RABGAP1L: variants seen among roughly 807,000 people sequenced by gnomAD.
The protein encoded by RABGAP1L is rab GTPase-activating protein 1-like.
In RABGAP1L, 63 loss-of-function variants were observed where a neutral mutation model predicts 137.7. The ratio of observed to expected loss-of-function variants is 0.46; its 90% CI spans 0.37 to 0.56. The LOEUF is 0.56. Among genes scored for constraint, RABGAP1L ranks in the 20% least tolerant of loss-of-function variants. RABGAP1L has a pLI of 0.00. For missense variants in RABGAP1L, 1,095 were observed against 1,244.0 expected (o/e 0.88, Z 1.80); for synonymous variants, 431 against 433.7 (o/e 0.99, Z 0.08).
chr1:174,307,824 T>C (rs1044371895), intron 11 of RABGAP1L, among the ~76,000 whole-genome samples: 7 of 152,174 alleles, frequency 4.6e-5, no homozygotes, highest in African/African-American at 1.7e-4. Flanking sequence ...TTCCTTTGGA[T>C]ATATATGCAG....
chr1:174,702,868 GAAAT>G (rs1372688209), intron 17 of RABGAP1L, among the ~76,000 whole-genome samples: 1 of 151,820 alleles, frequency 6.6e-6, no homozygotes, highest in Non-Finnish European at 1.5e-5. Flanking sequence ...CTCTTTTAAA[GAAAT>G]AAACAGTATT....
At chr1:174,859,691 G>A (rs1649937971) in intron 19 of RABGAP1L, among the ~76,000 whole-genome samples, 1 of 151,950 alleles carries the variant, frequency 6.6e-6, no homozygotes, top group African/African-American at 2.4e-5. Context: ...GACTACCAGA[G>A]GGCAGAGGGT....
At chr1:174,552,619 C>A (rs1005600595) in intron 13 of RABGAP1L, among the ~76,000 whole-genome samples, 1 of 152,174 alleles carries the variant, frequency 6.6e-6, no homozygotes, top group African/African-American at 2.4e-5. Flanking sequence ...TTTATCCAGT[C>A]TATCACTGAT....
At chr1:174,226,581 G>T (rs1353341132) in intron 3 of RABGAP1L, among the ~76,000 whole-genome samples, 1 of 152,130 alleles carries the variant, frequency 6.6e-6, no homozygotes, top group East Asian at 1.9e-4. Flanking sequence ...CTGTTTTGAA[G>T]TTCTGCTATT....
chr1:174,769,491 C>T (rs1202384229), intron 18 of RABGAP1L, among the ~76,000 whole-genome samples: 1 of 152,158 alleles, frequency 6.6e-6, no homozygotes, highest in Non-Finnish European at 1.5e-5. Flanking sequence ...ACAATCACGT[C>T]CACACCATAG....
chr1:174,437,113 T>TG (rs973997360), intron 13 of RABGAP1L, among the ~76,000 whole-genome samples: 15 of 152,010 alleles, frequency 9.9e-5, no homozygotes, highest in African/African-American at 3.6e-4. Flanking sequence ...ACCACAAAGA[T>TG]GGGGAGAAAA....
rs183666943 is a variant in RABGAP1L, at chr1:174,526,520, T to C, written c.1711-110855T>C. Among the ~76,000 whole-genome samples the C allele has an allele frequency of 3.9e-5, 6 of 152,286 alleles. No individual in the cohort carries two copies. In the East Asian group the frequency reaches 1.2e-3, roughly 29 times the overall value. ...AATTATTGCTTCAAGTTCTCGTTACTGGTCTTTTCAGGTTTTCTGTTTCTT... is the reference window on the plus strand; with the variant it reads ...AATTATTGCTTCAAGTTCTCGTTACCGGTCTTTTCAGGTTTTCTGTTTCTT... On this transcript the variant is annotated intron_variant, in intron 13 of 25. Transcript: ENST00000681986.
At chr1:174,793,498 A>G (rs183787429) in intron 18 of RABGAP1L, among the ~76,000 whole-genome samples, 21 of 152,332 alleles carry the variant, frequency 1.4e-4, no homozygotes, top group Non-Finnish European at 2.9e-4. Flanking sequence ...TATCTTCTAT[A>G]TTGTACTCTA....
intron 18 of RABGAP1L, among the ~76,000 whole-genome samples, chr1:174,759,185 C>T (rs1473739250): frequency 6.7e-6 from 1 of 149,748 alleles, no homozygotes; most frequent in Admixed American, 6.7e-5. Flanking sequence ...ACTTGCATTC[C>T]AATGAGAGAA....
Position 174,957,502 on chromosome 1 carries a change from A to G in RABGAP1L, c.2386A>G (p.Met796Val), listed in dbSNP as rs891639173. 6.2e-7 allele frequency: 1 copy of G among 1,613,754 alleles called. No individual in the cohort carries two copies. The highest frequency in any genetic ancestry group is 8.5e-7 in the Non-Finnish European group (1 of 1,179,678). The change falls in exon 20 of 26, where the codon ATG becomes GTG. Residue 796 changes from methionine to valine, a missense_variant. Physicochemically the swap from Met to Val is conservative, Grantham distance 21. Around this residue, in one of 4 missense-constraint regions of RABGAP1L, gnomAD observed 312 missense variants for 435.6 expected, o/e 0.72. Transcript: ENST00000681986. Reference protein sequence around the residue: ...LKKYEKEYQTMRESQLQQEDP... With the variant: ...LKKYEKEYQTVRESQLQQEDP... Reference sequence around the variant, plus strand: ...GAAATATGAGAAAGAATATCAGACAATGCGAGAGAGTCAGCTGCAACAGGA... The same window carrying G: ...GAAATATGAGAAAGAATATCAGACAGTGCGAGAGAGTCAGCTGCAACAGGA...
chr1:174,167,410 T>C (rs1263183541), intron 1 of RABGAP1L, among the ~76,000 whole-genome samples: 1 of 152,222 alleles, frequency 6.6e-6, no homozygotes, highest in Non-Finnish European at 1.5e-5. Flanking sequence ...TACATACATA[T>C]ATATTTACAT....
intron 19 of RABGAP1L, among the ~76,000 whole-genome samples, chr1:174,856,015 G>A (rs989373948): frequency 5.9e-5 from 9 of 152,154 alleles, no homozygotes; most frequent in African/African-American, 2.2e-4. Flanking sequence ...GTTTCTTTAA[G>A]CCTATTTTTA....
intron 19 of RABGAP1L, among the ~76,000 whole-genome samples, chr1:174,850,857 A>G (rs1240667016): frequency 2.0e-5 from 3 of 152,256 alleles, no homozygotes; most frequent in Admixed American, 2.0e-4. Flanking sequence ...GATTGGAAGT[A>G]TGAGAAGGAC....
At chr1:174,752,665 C>G (rs983858485) in intron 18 of RABGAP1L, among the ~76,000 whole-genome samples, 1 of 151,946 alleles carries the variant, frequency 6.6e-6, no homozygotes, top group Non-Finnish European at 1.5e-5. Flanking sequence ...TGTTTTCTGT[C>G]AAAATGATGC....
intron 13 of RABGAP1L, among the ~76,000 whole-genome samples, chr1:174,490,920 C>T (rs1205046536): frequency 2.0e-5 from 3 of 152,042 alleles, no homozygotes; most frequent in Non-Finnish European, 2.9e-5. Flanking sequence ...GCTCTTTAGT[C>T]AGCTTATGGT....
Position 174,799,976 on chromosome 1 carries a change from A to ACT in RABGAP1L, c.2212-11855_2212-11854insTC, listed in dbSNP as rs1432165188. 3.2e-6 allele frequency: 3 copies of ACT among 931,612 alleles called. No individual in the cohort carries two copies. In the African/African-American group the frequency reaches 5.9e-5, roughly 18 times the overall value. The allele number at this position is 931,612 out of a possible 1,614,324, so 57.7% of individuals were successfully genotyped here. On this transcript the variant is annotated intron_variant, in intron 18 of 25. Transcript: ENST00000681986. ...CACACACACACACACACACACACAC[A>ACT]CACTCTCACACATTCTCACATGCTA...
At chr1:174,244,914 G>A (rs1672130745) in intron 5 of RABGAP1L, 1 of 152,106 alleles carries the variant, frequency 6.6e-6, no homozygotes, top group Non-Finnish European at 1.5e-5. Context: ...GTTACATTAT[G>A]GAAGCATGTT....
intron 13 of RABGAP1L, among the ~76,000 whole-genome samples, chr1:174,532,587 CTGTTT>C (rs1268304824): frequency 6.6e-6 from 1 of 151,984 alleles, no homozygotes; most frequent in Non-Finnish European, 1.5e-5. Flanking sequence ...AACTGGGGGA[CTGTTT>C]TGAGTACATA....
At chr1:174,863,246 A>AAAAAAAC (rs1447820981) in intron 19 of RABGAP1L, among the ~76,000 whole-genome samples, 2 of 151,276 alleles carry the variant, frequency 1.3e-5, no homozygotes, top group African/African-American at 4.9e-5. Flanking sequence ...AAAAAAAAAA[A>AAAAAAAC]AAGAAAAACA....
Sources: gnomAD v4.1 joint callset for allele counts (sites outside exome capture counted in the v4.1 genomes callset) on GRCh38, gnomAD v4.1.1 for gene constraint, gnomAD v4.1.1 regional missense constraint, MANE v1.5 for transcripts, NCBI Gene and HGNC (gene_info 2026-07-23, HGNC 2026-07-21) for gene names.